Variants in CCDC12 observed in about 807,000 individuals in gnomAD.
CCDC12 encodes coiled-coil domain containing 12.
In CCDC12, 28 loss-of-function variants were observed where a neutral mutation model predicts 25.7. The observed-to-expected ratio is 1.09, with a 90% CI of 0.81 to 1.50. The LOEUF (loss-of-function observed/expected upper bound fraction) is 1.50, where lower values mean the gene tolerates loss of function less well. CCDC12 is among the 40% of genes most tolerant of loss of function. CCDC12 has a pLI of 0.00. For missense variants in CCDC12, 198 were observed against 210.0 expected, an observed-to-expected ratio of 0.94 and a Z score of 0.35; for synonymous variants, 75 against 87.7, an observed-to-expected ratio of 0.86 and a Z score of 0.81.
At chr3:46,944,041 G>A (rs1184647080) in intron 1 of CCDC12, among the ~76,000 whole-genome samples, 4 of 152,178 alleles carry the variant, frequency 2.6e-5, no homozygotes, top group East Asian at 1.9e-4. Flanking sequence ...TTTGCTGCCC[G>A]GGATAGTGGA....
intron 4 of CCDC12, 99 bp from the exon 5 acceptor site, chr3:46,923,462 G>T: frequency 6.6e-7 from 1 of 1,514,338 alleles, no homozygotes; most frequent in Non-Finnish European, 9.1e-7. Flanking sequence ...AGAGGAGGAG[G>T]AAGGAGAGGG....
chr3:46,952,926 G>C (rs2034172688), intron 1 of CCDC12, among the ~76,000 whole-genome samples: 1 of 152,160 alleles, frequency 6.6e-6, no homozygotes, highest in Non-Finnish European at 1.5e-5. Flanking sequence ...TCAAGCATAG[G>C]CTGATTCCCT....
At chr3:46,948,256 G>A (rs1156690894) in intron 1 of CCDC12, among the ~76,000 whole-genome samples, 1 of 152,240 alleles carries the variant, frequency 6.6e-6, no homozygotes, top group Non-Finnish European at 1.5e-5. Flanking sequence ...TACCATCCAA[G>A]AGGCTGGGAT....
At chr3:46,947,711 G>A in intron 1 of CCDC12, among the ~76,000 whole-genome samples, 1 of 152,194 alleles carries the variant, frequency 6.6e-6, no homozygotes, top group Non-Finnish European at 1.5e-5. Context: ...AGTTCCTAGA[G>A]GGCAGACGTT....
chr3:46,976,447 C>A (rs2034993938), intron 1 of CCDC12, 190 bp downstream of exon 1: 37 of 1,423,878 alleles, frequency 2.6e-5, no homozygotes, highest in Non-Finnish European at 3.3e-5. Context: ...CGCACCAGCG[C>A]CAGAGGAGTC....
chr3:46,930,619 T>A (rs1395743037), intron 2 of CCDC12, among the ~76,000 whole-genome samples: 1 of 152,188 alleles, frequency 6.6e-6, no homozygotes, highest in Admixed American at 6.5e-5. Context: ...GCCACCTCAG[T>A]GCCTCCACTG....
chr3:46,928,139 T>C (rs1311177299), intron 2 of CCDC12, among the ~76,000 whole-genome samples: 4 of 152,154 alleles, frequency 2.6e-5, no homozygotes, highest in Admixed American at 1.3e-4. Flanking sequence ...ATCTCAGCTA[T>C]TCAGGAGGCT....
At position 46,925,554 on chromosome 3, in the gene CCDC12, C is replaced by A. The variant is rs763531160; in HGVS notation, c.165-19G>T. On this transcript the variant is annotated intron_variant, in intron 2 of 6. Coordinates refer to ENST00000683445, the MANE Select transcript of CCDC12 (RefSeq NM_001277074.2). ...AAGTTCCCTGCAAGAATAGAGGGAA[C>A]AAGCAGAGATGAAGTCAGTGTGTGA... 1 of 1,535,076 alleles carries A rather than the reference C, an allele frequency of 6.5e-7. No homozygotes were observed. The highest frequency in any genetic ancestry group is 1.2e-5 in the South Asian group (1 of 80,214).
intron 2 of CCDC12, 139 bp from the exon 3 acceptor site, chr3:46,925,674 G>T: frequency 1.3e-6 from 1 of 760,760 alleles, no homozygotes; most frequent in Non-Finnish European, 2.1e-6. Context: ...AGGAGGAGAA[G>T]CACAGAATGG....
At chr3:46,935,111 G>GT (rs1252534445) in intron 2 of CCDC12, among the ~76,000 whole-genome samples, 2 of 152,222 alleles carry the variant, frequency 1.3e-5, no homozygotes, top group African/African-American at 4.8e-5. Context: ...ACATTGAGCT[G>GT]GGGAACAGAT....
chr3:46,937,359 T>C (rs781510614), intron 2 of CCDC12, among the ~76,000 whole-genome samples: 3 of 152,204 alleles, frequency 2.0e-5, no homozygotes, highest in Non-Finnish European at 4.4e-5. Flanking sequence ...ACAGTGTTAG[T>C]TGAAAGCACC....
At chr3:46,953,902 T>C (rs958366632) in intron 1 of CCDC12, among the ~76,000 whole-genome samples, 1 of 152,118 alleles carries the variant, frequency 6.6e-6, no homozygotes, top group Non-Finnish European at 1.5e-5. Flanking sequence ...CCATTTCCCT[T>C]TTCTTGGAGG....
chr3:46,968,776 T>C lies in CCDC12; in HGVS notation c.96+7861A>G, dbSNP rs549720950. 2.6e-5 allele frequency among the ~76,000 whole-genome samples: 4 copies of C among 151,820 alleles called. No homozygotes were observed. The East Asian group carries it at 7.7e-4, about 29-fold the overall frequency. ...TTCCCAAGCACCTGGGGGTGAGAGG[T>C]GTAGAGGGATAGAAGGCCAGAGCCT... On this transcript the variant is annotated intron_variant, in intron 1 of 6. Coordinates refer to ENST00000683445, the MANE Select transcript of CCDC12 (RefSeq NM_001277074.2).
intron 1 of CCDC12, among the ~76,000 whole-genome samples, chr3:46,958,693 C>T (rs997015720): frequency 6.6e-6 from 1 of 152,000 alleles, no homozygotes; most frequent in Non-Finnish European, 1.5e-5. Context: ...GTTGTGATGC[C>T]CACTCCGCGA....
At chr3:46,961,319 T>A (rs2034456382) in intron 1 of CCDC12, among the ~76,000 whole-genome samples, 1 of 152,226 alleles carries the variant, frequency 6.6e-6, no homozygotes, top group Admixed American at 6.5e-5. Context: ...CTGCTCCCAA[T>A]GTCTGCAGGG....
intron 1 of CCDC12, among the ~76,000 whole-genome samples, chr3:46,960,598 G>A (rs2034434530): frequency 6.6e-6 from 1 of 152,242 alleles, no homozygotes; most frequent in African/African-American, 2.4e-5. Context: ...TACTGCCACA[G>A]GGCACCGTTG....
intron 1 of CCDC12, among the ~76,000 whole-genome samples, chr3:46,964,951 AAAAAT>A (rs924331042): frequency 2.0e-5 from 3 of 152,018 alleles, no homozygotes; most frequent in Non-Finnish European, 4.4e-5. Context: ...TGATCAATAA[AAAAAT>A]AAAATAAAAT....
chr3:46,938,926 C>A (rs2033577161), intron 2 of CCDC12, among the ~76,000 whole-genome samples: 1 of 152,170 alleles, frequency 6.6e-6, no homozygotes, highest in South Asian at 2.1e-4. Context: ...CCCCAGACAG[C>A]AATCGGAGGC....
intron 2 of CCDC12, among the ~76,000 whole-genome samples, chr3:46,926,705 C>A (rs1456008021): frequency 6.6e-6 from 1 of 152,134 alleles, no homozygotes; most frequent in Non-Finnish European, 1.5e-5. Flanking sequence ...GACCCCTAGC[C>A]CCAGGGGATG....
Sources: allele counts gnomAD v4.1 joint callset (sites outside exome capture counted in the v4.1 genomes callset), GRCh38; gene constraint gnomAD v4.1.1; transcripts MANE v1.5; gene names NCBI Gene and HGNC (gene_info 2026-07-23, HGNC 2026-07-21).